The following LIN9 variants were observed in gnomAD, a reference collection of about 807,000 sequenced individuals.
The protein encoded by LIN9 is lin-9 DREAM MuvB core complex component.
In LIN9, 18 loss-of-function variants were observed where a neutral mutation model predicts 78.0. That is an observed-to-expected ratio of 0.23 (90% CI 0.16 to 0.34). The LOEUF (loss-of-function observed/expected upper bound fraction) is 0.34, where lower values mean the gene tolerates loss of function less well. Ranked by LOEUF, LIN9 falls within the 10% of genes least tolerant of loss-of-function variation. The pLI, the probability that LIN9 is intolerant of heterozygous loss-of-function variation, is 1.00. For missense variants in LIN9, 451 were observed against 644.1 expected, an observed-to-expected ratio of 0.70 and a Z score of 3.25; for synonymous variants, 192 against 215.2, an observed-to-expected ratio of 0.89 and a Z score of 0.94.
chr1:226,235,145 C>A (rs1453466034), intron 12 of LIN9, among the ~76,000 whole-genome samples: 1 of 151,206 alleles, frequency 6.6e-6, no homozygotes, highest in African/African-American at 2.4e-5. Context: ...CCAGCCTGGC[C>A]AACATGTCTC....
chr1:226,265,395 A>C lies in LIN9; in HGVS notation c.1038+138T>G, dbSNP rs780272623. On this transcript the variant is annotated intron_variant, in intron 10 of 14. Transcript: ENST00000681046. The surrounding 1 kb of genome is among the most constrained non-coding windows in gnomAD (Gnocchi z 4.1). ...TTTGGTTTTTATAACTTTTATTTTC[A>C]GGCTTTGTTGGAAATAGCAGCTCTT... 1.1e-4 allele frequency: 49 copies of C among 466,518 alleles called. No individual in the cohort carries two copies. Among genetic ancestry groups the C allele is most frequent in the Non-Finnish European group, 1.6e-4 (43 of 261,062 alleles). 28.9% of individuals were successfully genotyped at this position (466,518 alleles called of 1,614,324 possible).
At chr1:226,290,410 G>T (rs967130780) in intron 4 of LIN9, among the ~76,000 whole-genome samples, 5 of 149,954 alleles carry the variant, frequency 3.3e-5, no homozygotes, top group African/African-American at 1.2e-4. Flanking sequence ...GCACGATCTC[G>T]GCTCACTGCA....
At chr1:226,285,553 T>C (rs923303576) in intron 6 of LIN9, among the ~76,000 whole-genome samples, 8 of 152,168 alleles carry the variant, frequency 5.3e-5, no homozygotes, top group South Asian at 2.1e-4. Context: ...ACCAGGCAGA[T>C]AGACATAATG....
intron 6 of LIN9, among the ~76,000 whole-genome samples, chr1:226,283,278 ATTTTTTTTT>A (rs71574569): frequency 3.4e-4 from 29 of 84,212 alleles, no homozygotes; most frequent in Middle Eastern, 8.5e-3. Flanking sequence ...TAATTTTTGA[ATTTTTTTTT>A]TTTTTTTTTT....
Position 226,301,207 on chromosome 1 carries a change from T to C in LIN9, c.32-2A>G. Reference sequence around the variant, plus strand: ...TGACAAGGGCTTTTGCTGAAGAGCCTGCAATTAAAAATAAAACAAATCAAT... The same window carrying C: ...TGACAAGGGCTTTTGCTGAAGAGCCCGCAATTAAAAATAAAACAAATCAAT... On this transcript the variant is annotated splice_acceptor_variant, in intron 1 of 14. Transcript: ENST00000681046. LOFTEE classifies it high-confidence loss of function. The C allele has an allele frequency of 6.3e-7, 1 of 1,599,548 alleles. No individual in the cohort carries two copies. Among genetic ancestry groups the C allele is most frequent in the Non-Finnish European group, 8.5e-7 (1 of 1,176,390 alleles).
At chr1:226,301,110 C>G in intron 2 of LIN9, 63 bp downstream of exon 2, 2 of 1,238,426 alleles carry the variant, frequency 1.6e-6, no homozygotes. Context: ...AACACTATAT[C>G]CAGATTAATT....
intron 11 of LIN9, among the ~76,000 whole-genome samples, chr1:226,247,108 T>C (rs979888038): frequency 1.3e-5 from 2 of 152,174 alleles, no homozygotes; most frequent in Non-Finnish European, 2.9e-5. Flanking sequence ...GCTCTCTCTT[T>C]AGCTGTTTCT....
intron 6 of LIN9, 39 bp downstream of exon 6, chr1:226,286,294 T>C: frequency 1.3e-6 from 2 of 1,592,604 alleles, no homozygotes; most frequent in South Asian, 2.3e-5. Flanking sequence ...GCTACTGGCT[T>C]GATTTTATTT....
intron 11 of LIN9, among the ~76,000 whole-genome samples, chr1:226,246,165 T>A (rs920128014): frequency 6.6e-6 from 1 of 152,170 alleles, no homozygotes; most frequent in East Asian, 1.9e-4. Context: ...AAACTTCAAG[T>A]TTTTTCTTCT....
rs114620722 is a variant in LIN9, at chr1:226,298,803, C to G, written c.65-990G>C. Among the ~76,000 whole-genome samples the G allele has an allele frequency of 4.5e-3, 685 of 152,094 alleles. 6 individuals are homozygous for G. Among genetic ancestry groups the G allele is most frequent in the African/African-American group, 0.016 (659 of 41,496 alleles). On this transcript the variant is annotated intron_variant, in intron 2 of 14. Transcript: ENST00000681046. ...GGAACCTGGGAGGCGAAGGTCGAAG[C>G]AAGCCAGGGTCAAAGCGAGCCAGGG...
intron 10 of LIN9, among the ~76,000 whole-genome samples, chr1:226,260,722 G>A (rs538435551): frequency 1.9e-4 from 25 of 128,328 alleles, no homozygotes; most frequent in African/African-American, 7.4e-4. Context: ...TCGGCTCACT[G>A]CAAGCTCCGC....
intron 11 of LIN9, among the ~76,000 whole-genome samples, chr1:226,241,879 G>C (rs866592484): frequency 6.6e-6 from 1 of 151,586 alleles, no homozygotes; most frequent in Non-Finnish European, 1.5e-5. Context: ...AGAAAAGGGG[G>C]TGATGTAACT....
At chr1:226,245,231 T>G (rs1658395101) in intron 11 of LIN9, among the ~76,000 whole-genome samples, 1 of 152,192 alleles carries the variant, frequency 6.6e-6, no homozygotes, top group African/African-American at 2.4e-5. Flanking sequence ...TGTCAATTTT[T>G]GTGCTTAGGT....
intron 6 of LIN9, among the ~76,000 whole-genome samples, chr1:226,281,571 CAT>C (rs1661054772): frequency 6.6e-6 from 1 of 152,006 alleles, no homozygotes; most frequent in Non-Finnish European, 1.5e-5. Context: ...ACACTGTACA[CAT>C]GTACTCCCAA....
intron 1 of LIN9, among the ~76,000 whole-genome samples, chr1:226,307,056 C>T (rs1167652475): frequency 2.0e-5 from 3 of 152,006 alleles, no homozygotes; most frequent in Non-Finnish European, 2.9e-5. Context: ...GAATTTGAAC[C>T]CTAATATAAA....
intron 6 of LIN9, among the ~76,000 whole-genome samples, chr1:226,281,183 A>AGATGTTC (rs34129529): frequency 6.6e-6 from 1 of 152,200 alleles, no homozygotes; most frequent in Non-Finnish European, 1.5e-5. Context: ...AACAAGTATA[A>AGATGTTC]GATGTTCTCA....
At chr1:226,298,010 T>C (rs896208582) in intron 2 of LIN9, among the ~76,000 whole-genome samples, 197 bp from the exon 3 acceptor site, 1 of 152,238 alleles carries the variant, frequency 6.6e-6, no homozygotes, top group African/African-American at 2.4e-5. Flanking sequence ...AATAATTTGA[T>C]AAAGCAATGC....
intron 6 of LIN9, among the ~76,000 whole-genome samples, chr1:226,282,968 T>C (rs184131186): frequency 2.0e-5 from 3 of 152,350 alleles, no homozygotes; most frequent in Non-Finnish European, 4.4e-5. Flanking sequence ...TTGTTCTTGC[T>C]TTTAAACAGA....
chr1:226,254,411 TA>T lies in LIN9; in HGVS notation c.1039-3493del, dbSNP rs544468616. Among the ~76,000 whole-genome samples, 5 of 152,306 alleles carry T rather than the reference TA, an allele frequency of 3.3e-5. No individual in the cohort carries two copies. The South Asian group carries it at 1.0e-3, about 32-fold the overall frequency. On this transcript the variant is annotated intron_variant, in intron 10 of 14. Coordinates refer to ENST00000681046, the MANE Select transcript of LIN9 (RefSeq NM_001366245.2). Reference sequence around the variant, plus strand: ...TCACATACTATAAAAGGTAGGGACATAAAATAACTTTTATTTTTACCTCTTA... The same window carrying T: ...TCACATACTATAAAAGGTAGGGACATAAATAACTTTTATTTTTACCTCTTA...
Sources: gnomAD v4.1 joint callset for allele counts (sites outside exome capture counted in the v4.1 genomes callset) on GRCh38, gnomAD v4.1.1 for gene constraint, Gnocchi (gnomAD v3.1) non-coding constraint, MANE v1.5 for transcripts, NCBI Gene and HGNC (gene_info 2026-07-23, HGNC 2026-07-21) for gene names.